Variants in PCDHGA8 observed in about 807,000 individuals in gnomAD.
PCDHGA8 encodes protocadherin gamma subfamily A, 8.
A neutral mutation model predicts 59.2 loss-of-function variants in PCDHGA8; 45 were observed. That is an observed-to-expected ratio of 0.76 (90% confidence interval 0.60 to 0.98). The LOEUF (loss-of-function observed/expected upper bound fraction) is 0.98, where lower values mean the gene tolerates loss of function less well. Among genes scored for constraint, PCDHGA8 ranks in the 50% least tolerant of loss-of-function variants. The pLI is 0.00. For synonymous variants in PCDHGA8, 531 were observed against 519.0 expected (o/e 1.02, Z -0.32); for missense variants, 1,257 against 1,196.2 (o/e 1.05, Z -0.75).
intron 1 of PCDHGA8, chr5:141,422,608 T>A: frequency 5.0e-6 from 8 of 1,613,956 alleles, no homozygotes; most frequent in Non-Finnish European, 5.1e-6. Context: ...TTACTCTGCC[T>A]ACATTCCCGA....
In PCDHGA8 at chr5:141,410,525, T is replaced by G. The variant is rs6891442; in HGVS notation, c.2424+15288T>G. The G allele has an allele frequency of 1.9e-3, 3,112 of 1,613,920 alleles. 62 individuals are homozygous for G. In the African/African-American group the frequency reaches 0.034, roughly 18 times the overall value. On this transcript the variant is annotated intron_variant, in intron 1 of 3. Transcript: ENST00000398604. ...CCTAAAATGCAGTGTGCCCCTACAT[T>G]CCAATGAAGACATGGTTTGCAGTGT...
chr5:141,423,531 C>T, intron 1 of PCDHGA8: 1 of 1,613,736 alleles, frequency 6.2e-7, no homozygotes, highest in South Asian at 1.1e-5. Context: ...AGAAGAGTCA[C>T]CTGATTTTCC....
chr5:141,452,710 G>GAAGT (rs1343622540), intron 1 of PCDHGA8, among the ~76,000 whole-genome samples: 1 of 151,996 alleles, frequency 6.6e-6, no homozygotes, highest in Non-Finnish European at 1.5e-5. Flanking sequence ...AGAAAGGAAG[G>GAAGT]AATGAGGGAG....
chr5:141,454,628 AC>A (rs1272822911), intron 1 of PCDHGA8, among the ~76,000 whole-genome samples: 2 of 151,334 alleles, frequency 1.3e-5, no homozygotes, highest in Non-Finnish European at 2.9e-5. Context: ...CTGGTCTCGA[AC>A]CCCCAACCTC....
Position 141,486,998 on chromosome 5 carries a change from C to T in PCDHGA8, c.2425-7809C>T. 1.2e-6 allele frequency: 2 copies of T among 1,614,206 alleles called. No individual in the cohort carries two copies. Among genetic ancestry groups the T allele is most frequent in the Non-Finnish European group, 1.7e-6 (2 of 1,180,034 alleles). On this transcript the variant is annotated intron_variant, in intron 1 of 3. Transcript: ENST00000398604. The surrounding 1 kb of genome is among the most constrained non-coding windows in gnomAD (Gnocchi z 5.0). The stretch of plus-strand genomic sequence containing the variant: ...AGGTTACAATGCTTGGGTTTCCTAT[C>T]AGCTCCTGGAGGCCCCAGATCCCAG...
rs1309165721 is a variant in PCDHGA8 at position 141,430,655 on chromosome 5, G to A, written c.2424+35418G>A. On this transcript the variant is annotated intron_variant, in intron 1 of 3. Coordinates refer to ENST00000398604, the MANE Select transcript of PCDHGA8 (RefSeq NM_032088.2). Reference sequence around the variant, plus strand: ...ATCCCTGGGAGTATGTGGAAACAACGGAGGAGCTCTGACTTCCCAACTGTC... The same window carrying A: ...ATCCCTGGGAGTATGTGGAAACAACAGAGGAGCTCTGACTTCCCAACTGTC... 4.6e-6 allele frequency: 5 copies of A among 1,084,938 alleles called. No individual in the cohort carries two copies. In the East Asian group the frequency reaches 7.8e-5, roughly 17 times the overall value. 67.2% of individuals were successfully genotyped at this position (1,084,938 alleles called of 1,614,324 possible).
intron 1 of PCDHGA8, among the ~76,000 whole-genome samples, chr5:141,444,462 C>T (rs1314366280): frequency 3.3e-5 from 5 of 152,002 alleles, no homozygotes; most frequent in African/African-American, 9.7e-5. Flanking sequence ...TGAGTCACTG[C>T]GCCCGGTCGC....
At chr5:141,502,708 A>G (rs1172090234) in intron 2 of PCDHGA8, among the ~76,000 whole-genome samples, 1 of 152,204 alleles carries the variant, frequency 6.6e-6, no homozygotes, top group Non-Finnish European at 1.5e-5. Flanking sequence ...CTGTTTTTAC[A>G]TCAGTGATTA....
At chr5:141,480,167 G>C (rs752444894) in intron 1 of PCDHGA8, among the ~76,000 whole-genome samples, 3 of 151,964 alleles carry the variant, frequency 2.0e-5, no homozygotes, top group Non-Finnish European at 2.9e-5. Flanking sequence ...ATTTTGGGAG[G>C]CTGAGGCAGG....
intron 1 of PCDHGA8, chr5:141,433,307 C>T (rs982853368): frequency 2.2e-6 from 2 of 913,640 alleles, no homozygotes; most frequent in Admixed American, 2.7e-5. Context: ...AATTATCCCA[C>T]CTTTGCCTCC....
intron 1 of PCDHGA8, chr5:141,433,104 A>G: frequency 6.2e-7 from 1 of 1,614,214 alleles, no homozygotes; most frequent in Non-Finnish European, 8.5e-7. Flanking sequence ...CTCGTCAGCC[A>G]GGAGAGCTTT....
intron 1 of PCDHGA8, chr5:141,423,620 C>G: frequency 6.2e-7 from 1 of 1,608,268 alleles, no homozygotes; most frequent in Non-Finnish European, 8.5e-7. Flanking sequence ...GCTGAAGACT[C>G]AGCTATCATT....
intron 1 of PCDHGA8, among the ~76,000 whole-genome samples, chr5:141,469,951 T>C (rs1467717372): frequency 6.6e-6 from 1 of 152,034 alleles, no homozygotes; most frequent in African/African-American, 2.4e-5. Flanking sequence ...GCCAGCATGG[T>C]GAAACCCCAT....
chr5:141,409,750 G>T, intron 1 of PCDHGA8: 1 of 1,613,016 alleles, frequency 6.2e-7, no homozygotes, highest in South Asian at 1.1e-5. Context: ...TGGTGTTCGC[G>T]CAGCGCGCCT....
At chr5:141,459,156 T>C (rs920698328) in intron 1 of PCDHGA8, among the ~76,000 whole-genome samples, 1 of 152,188 alleles carries the variant, frequency 6.6e-6, no homozygotes, top group Non-Finnish European at 1.5e-5. Flanking sequence ...ATATAGAACA[T>C]TTCTATAACC....
At chr5:141,482,205 C>T (rs1478729653) in intron 1 of PCDHGA8, among the ~76,000 whole-genome samples, 1 of 151,896 alleles carries the variant, frequency 6.6e-6, no homozygotes, top group Non-Finnish European at 1.5e-5. Context: ...TAAAACAGAC[C>T]AGGTACTTGT....
chr5:141,429,387 T>TTAA (rs775632416), intron 1 of PCDHGA8, among the ~76,000 whole-genome samples: 1 of 151,334 alleles, frequency 6.6e-6, no homozygotes, highest in Non-Finnish European at 1.5e-5. Flanking sequence ...GTTTTTTTTT[T>TTAA]AAAAAAAATT....
chr5:141,488,572 T>C (rs888054788), intron 1 of PCDHGA8, among the ~76,000 whole-genome samples: 28 of 152,212 alleles, frequency 1.8e-4, no homozygotes, highest in African/African-American at 6.8e-4. Flanking sequence ...CCGCAAAGCA[T>C]TGCTGGAGAG....
chr5:141,419,397 T>G (rs1280096838), intron 1 of PCDHGA8: 3 of 1,613,312 alleles, frequency 1.9e-6, no homozygotes. Flanking sequence ...CAGAGCGGGG[T>G]GGTGTTCGCG....
Sources: allele counts gnomAD v4.1 joint callset (sites outside exome capture counted in the v4.1 genomes callset), GRCh38; gene constraint gnomAD v4.1.1; non-coding constraint Gnocchi (gnomAD v3.1); transcripts MANE v1.5; gene names NCBI Gene and HGNC (gene_info 2026-07-23, HGNC 2026-07-21).